The following SHOX variants were observed in gnomAD, a reference collection of about 807,000 sequenced individuals.
The protein encoded by SHOX is SHOX homeobox.
In SHOX, 12 loss-of-function variants were observed where a neutral mutation model predicts 29.6. The ratio of observed to expected loss-of-function variants is 0.41; its 90% CI spans 0.26 to 0.66. The LOEUF (loss-of-function observed/expected upper bound fraction) is 0.66, where lower values mean the gene tolerates loss of function less well. Among genes scored for constraint, SHOX ranks in the 30% least tolerant of loss-of-function variants. SHOX has a pLI of 0.35. For missense variants in SHOX, 499 were observed against 437.7 expected, an observed-to-expected ratio of 1.14 and a Z score of -1.25; for synonymous variants, 214 against 200.6, an observed-to-expected ratio of 1.07 and a Z score of -0.57.
chrX:643,792 G>A (rs2052910832), intron 4 of SHOX, among the ~76,000 whole-genome samples: 1 of 135,672 alleles, frequency 7.4e-6, no homozygotes, highest in Non-Finnish European at 1.6e-5. Flanking sequence ...GAGAGGCTGG[G>A]GGACCTGGTG....
chrX:652,607 C>T (rs1169340959), downstream of SHOX, among the ~76,000 whole-genome samples: 2 of 152,160 alleles, frequency 1.3e-5, no homozygotes, highest in South Asian at 2.1e-4. Context: ...GAGTCTAAAC[C>T]GTCCGTTGTC....
At position 634,773 on chromosome X, in the gene SHOX, T is replaced by C. The variant is rs755649879; in HGVS notation, c.433T>C (p.Phe145Leu). The change falls in exon 2 of 5, where the codon TTC becomes CTC. Residue 145 changes from phenylalanine to leucine, a missense_variant. Transcript: ENST00000686671. Reference protein sequence around the residue: ...LFDETHYPDAFMREELSQRLG... With the variant: ...LFDETHYPDALMREELSQRLG... ...CGACGAGACCCATTACCCCGACGCC[T>C]TCATGCGCGAGGAGCTCAGCCAGCG... is the stretch of plus-strand genomic sequence containing the variant. 6.2e-7 allele frequency: 1 copy of C among 1,605,988 alleles called. No homozygotes were observed. The highest frequency in any genetic ancestry group is 2.2e-5 in the East Asian group (1 of 44,626).
rs769230537 is a variant in SHOX, at chrX:635,644, G to A, written c.486+818G>A. On this transcript the variant is annotated intron_variant, in intron 2 of 4. Transcript: ENST00000686671. ...CCCATGAGACCAGGCACTGGGGGGC[G>A]GAGGGGCCTTGGGTGTGCGCAGAGG... 3.9e-5 allele frequency among the ~76,000 whole-genome samples: 6 copies of A among 152,182 alleles called. No homozygotes were observed. The East Asian group carries it at 1.2e-3, about 29-fold the overall frequency.
chrX:627,814 C>T (rs1040793756), upstream of SHOX, among the ~76,000 whole-genome samples: 1 of 152,038 alleles, frequency 6.6e-6, no homozygotes, highest in African/African-American at 2.4e-5. Flanking sequence ...CCTCACGGGA[C>T]CCCCCAGGAA....
chrX:648,432 G>A lies in SHOX; in HGVS notation c.*3796G>A, dbSNP rs2052993961. Among the ~76,000 whole-genome samples the A allele has an allele frequency of 6.6e-6, 1 of 152,182 alleles. No homozygotes were observed. The highest frequency in any genetic ancestry group is 6.5e-5 in the Admixed American group (1 of 15,276). Reference sequence around the variant, plus strand: ...GGTAGAGACAGGTTTTTGCTGTGTTGGCCCGGCTGGTCTCAAACTCCTGAC... The same window carrying A: ...GGTAGAGACAGGTTTTTGCTGTGTTAGCCCGGCTGGTCTCAAACTCCTGAC... On this transcript the variant is annotated 3_prime_UTR_variant, in exon 5 of 5. Transcript: ENST00000686671.
upstream of SHOX, among the ~76,000 whole-genome samples, chrX:630,164 G>A (rs1284724709): frequency 6.6e-6 from 1 of 152,118 alleles, no homozygotes; most frequent in Non-Finnish European, 1.5e-5. Context: ...CCCGCGTCCC[G>A]GTTTGGGGAC....
chrX:626,344 G>T (rs2052532734), upstream of SHOX, among the ~76,000 whole-genome samples: 1 of 105,170 alleles, frequency 9.5e-6, no homozygotes, highest in Admixed American at 9.9e-5. Flanking sequence ...CTGTATCTCT[G>T]TCTATCTCTG....
At chrX:629,992 G>A (rs1047560333), upstream of SHOX, among the ~76,000 whole-genome samples, 12 of 152,292 alleles carry the variant, frequency 7.9e-5, no homozygotes, top group African/African-American at 2.6e-4. Flanking sequence ...GCTAAGGGAG[G>A]AGGCCTCGCG....
rs398123403 is a variant in SHOX at position 644,586 on chromosome X, G to T, written c.829G>T (p.Ala277Ser). 4 of 1,512,872 alleles carry T rather than the reference G, an allele frequency of 2.6e-6. No homozygotes were observed. Among genetic ancestry groups the T allele is most frequent in the Non-Finnish European group, 3.5e-6 (4 of 1,137,474 alleles). The allele number at this position is 1,512,872 out of a possible 1,614,324, so 93.7% of individuals were successfully genotyped here. The change falls in exon 5 of 5, where the codon GCC (alanine) becomes TCC (serine). Residue 277 changes from alanine to serine, a missense_variant. Ala to Ser is a moderately conservative substitution (Grantham distance 99). Transcript: ENST00000686671. The part of the protein sequence containing the change: ...AKSNSKNSSI[A>S]DLRLKARKHA... ...AAGCAACAGCAAGAATTCCAGCATC[G>T]CCGACCTGCGGCTCAAGGCGCGGAA...
At position 644,433 on chromosome X, in the gene SHOX, C is replaced by A; in HGVS notation, c.676C>A (p.Pro226Thr). ...LQLEGVAHAH[P>T]HLHPHLAAHA... ...GCTGGAAGGCGTGGCCCACGCGCAC[C>A]CGCACCTGCACCCGCACCTGGCGGC... Residue 226 changes from proline (P) to threonine (T), a missense_variant, in exon 5 of 5, where the codon CCG becomes ACG. Physicochemically the swap from Pro to Thr is conservative, Grantham distance 38. Coordinates refer to ENST00000686671, the MANE Select transcript of SHOX (RefSeq NM_000451.4). 6.6e-7 allele frequency: 1 copy of A among 1,521,736 alleles called. No individual in the cohort carries two copies. The highest frequency in any genetic ancestry group is 8.8e-7 in the Non-Finnish European group (1 of 1,142,220). 94.3% of individuals were successfully genotyped at this position (1,521,736 alleles called of 1,614,324 possible).
chrX:626,109 A>C (rs372074734), upstream of SHOX, among the ~76,000 whole-genome samples: 24 of 12,608 alleles, frequency 1.9e-3, no homozygotes, highest in African/African-American at 3.1e-3. Context: ...ATCTCTGTCT[A>C]TCTCTGTCTC....
chrX:644,558 C>T lies in SHOX; in HGVS notation c.801C>T (p.Ala267=), dbSNP rs1215312948. ...ASAAAVVAAA[A]KSNSKNSSIA... is the part of the protein sequence containing the mutation. ...CCGCCGCCGTGGTCGCCGCCGCCGC[C>T]AAAAGCAACAGCAAGAATTCCAGCA... The change falls in exon 5 of 5, where the codon GCC becomes GCT. Residue 267 remains alanine (A), a synonymous_variant. Coordinates refer to ENST00000686671, the MANE Select transcript of SHOX (RefSeq NM_000451.4). 4.0e-6 allele frequency: 6 copies of T among 1,518,044 alleles called. No individual in the cohort carries two copies. The Admixed American group carries it at 1.0e-4, about 25-fold the overall frequency. The allele number at this position is 1,518,044 out of a possible 1,614,324, so 94.0% of individuals were successfully genotyped here.
intron 1 of SHOX, 100 bp downstream of exon 1, chrX:631,274 C>A: frequency 7.0e-7 from 1 of 1,428,976 alleles, no homozygotes. Context: ...TGCACATTTG[C>A]AGCTCCCGTC....
intron 2 of SHOX, among the ~76,000 whole-genome samples, chrX:640,156 C>T (rs764426571): frequency 6.6e-6 from 1 of 152,122 alleles, no homozygotes; most frequent in South Asian, 2.1e-4. Flanking sequence ...ACCAGCCTGG[C>T]CAACATGGTG....
upstream of SHOX, chrX:630,756 C>G (rs1414741031): frequency 6.5e-6 from 7 of 1,083,190 alleles, no homozygotes; most frequent in Non-Finnish European, 9.6e-6. Context: ...GGCGAGGTCG[C>G]CGCGTATAAA....
chrX:641,383 G>A (rs745645544), intron 4 of SHOX, among the ~76,000 whole-genome samples: 14 of 152,026 alleles, frequency 9.2e-5, no homozygotes, highest in African/African-American at 3.1e-4. Context: ...CCAACTTAAC[G>A]AAACCCTGTC....
upstream of SHOX, among the ~76,000 whole-genome samples, chrX:628,435 CTG>C (rs1408478022): frequency 7.0e-6 from 1 of 143,024 alleles, no homozygotes; most frequent in Admixed American, 6.9e-5. Context: ...CTCTCCCTGT[CTG>C]TGTCTCTCTT....
chrX:637,305 A>G (rs901050224), intron 2 of SHOX, among the ~76,000 whole-genome samples: 37 of 152,130 alleles, frequency 2.4e-4, no homozygotes, highest in Admixed American at 1.3e-4. Context: ...TTTATGTGTC[A>G]TCTCCTGGTG....
intron 2 of SHOX, among the ~76,000 whole-genome samples, chrX:637,488 G>A (rs982759282): frequency 6.6e-6 from 1 of 151,764 alleles, no homozygotes; most frequent in African/African-American, 2.4e-5. Context: ...CCCCGAGAAC[G>A]CCCTAAAATA....
Sources: allele counts gnomAD v4.1 joint callset (sites outside exome capture counted in the v4.1 genomes callset), GRCh38; gene constraint gnomAD v4.1.1; transcripts MANE v1.5; gene names NCBI Gene and HGNC (gene_info 2026-07-23, HGNC 2026-07-21).